LAMC2: variants seen among roughly 807,000 people sequenced by gnomAD.
The protein encoded by LAMC2 is laminin subunit gamma-2.
A neutral mutation model predicts 140.2 loss-of-function variants in LAMC2; 97 were observed. The observed-to-expected ratio is 0.69, with a 90% CI of 0.59 to 0.82. The LOEUF (loss-of-function observed/expected upper bound fraction) is 0.82. Among genes scored for constraint, LAMC2 ranks in the 40% least tolerant of loss-of-function variants. LAMC2 has a pLI of 0.00. For synonymous variants in LAMC2, 513 were observed against 540.2 expected, an observed-to-expected ratio of 0.95 and a Z score of 0.70; for missense variants, 1,402 against 1,476.1, an observed-to-expected ratio of 0.95 and a Z score of 0.82.
At chr1:183,218,347 C>A in intron 3 of LAMC2, 43 bp from the exon 4 acceptor site, 1 of 1,428,960 alleles carries the variant, frequency 7.0e-7, no homozygotes, top group Non-Finnish European at 9.9e-7. Flanking sequence ...AGTTGTGAAG[C>A]ATTTGGAAGC....
chr1:183,217,047 G>T (rs930125916), intron 3 of LAMC2, among the ~76,000 whole-genome samples: 1 of 152,152 alleles, frequency 6.6e-6, no homozygotes, highest in Non-Finnish European at 1.5e-5. Flanking sequence ...AGAATTCAAA[G>T]ATAAAGATTG....
chr1:183,221,508 C>T (rs1659468132), intron 5 of LAMC2, among the ~76,000 whole-genome samples: 1 of 152,004 alleles, frequency 6.6e-6, no homozygotes, highest in East Asian at 1.9e-4. Context: ...ACAGGTGGAT[C>T]ACGAGGTCAG....
chr1:183,255,346 G>T, the LAMC2 span, among the ~76,000 whole-genome samples: 1 of 152,162 alleles, frequency 6.6e-6, no homozygotes, highest in Non-Finnish European at 1.5e-5. Flanking sequence ...AAATGAAGAA[G>T]TGTGATGCCT....
chr1:183,245,890 C>T (rs1660231592), downstream of LAMC2, among the ~76,000 whole-genome samples: 1 of 152,208 alleles, frequency 6.6e-6, no homozygotes, highest in Admixed American at 6.5e-5. Flanking sequence ...TCGTAAGAGG[C>T]TGGGCGCGGT....
At position 183,239,871 on chromosome 1, in the gene LAMC2, C is replaced by T. The variant is rs184113669; in HGVS notation, c.3070-169C>T. 202 of 787,518 alleles carry T rather than the reference C, an allele frequency of 2.6e-4. 1 individual carries two copies. The East Asian group carries it at 5.2e-3, about 20-fold the overall frequency. 48.8% of individuals were successfully genotyped at this position (787,518 alleles called of 1,614,324 possible). On this transcript the variant is annotated intron_variant, in intron 20 of 22. Coordinates refer to ENST00000264144, the MANE Select transcript of LAMC2 (RefSeq NM_005562.3). ...TACCCCCAGATTAGCTTGTTTGAGG[C>T]AGAGCTTGGCAAAGTACCCCTGTCC...
intron 1 of LAMC2, among the ~76,000 whole-genome samples, chr1:183,191,593 C>G (rs981855743): frequency 1.3e-5 from 2 of 151,062 alleles, no homozygotes; most frequent in Non-Finnish European, 2.9e-5. Context: ...TGCGGTGGCT[C>G]ATGCCTTTAA....
chr1:183,207,777 C>T (rs886845060), intron 1 of LAMC2, 104 bp from the exon 2 acceptor site: 1 of 989,550 alleles, frequency 1.0e-6, no homozygotes, highest in African/African-American at 1.6e-5. Context: ...CCATATAGTA[C>T]TCATGCATAA....
At chr1:183,225,834 G>A (rs1659610494) in intron 8 of LAMC2, 114 bp downstream of exon 8, 1 of 718,914 alleles carries the variant, frequency 1.4e-6, no homozygotes, top group Non-Finnish European at 2.5e-6. Flanking sequence ...TGATGATCCT[G>A]ACTTAGAATC....
At chr1:183,203,626 G>A (rs1658792778) in intron 1 of LAMC2, among the ~76,000 whole-genome samples, 1 of 151,884 alleles carries the variant, frequency 6.6e-6, no homozygotes. Context: ...CTTGGAACAA[G>A]CTCTCCCATC....
At chr1:183,187,388 T>C (rs1358125609) in intron 1 of LAMC2, among the ~76,000 whole-genome samples, 1 of 152,166 alleles carries the variant, frequency 6.6e-6, no homozygotes, top group African/African-American at 2.4e-5. Flanking sequence ...TGAATAATGT[T>C]TGAGCATGTG....
At chr1:183,254,442 G>GTTTGC in the LAMC2 span, among the ~76,000 whole-genome samples, 1 of 150,722 alleles carries the variant, frequency 6.6e-6, no homozygotes, top group African/African-American at 2.5e-5. Context: ...TTGTTTGTTT[G>GTTTGC]TTTGCTTTTT....
intron 1 of LAMC2, among the ~76,000 whole-genome samples, chr1:183,191,360 C>T (rs1333280346): frequency 1.3e-5 from 2 of 152,076 alleles, no homozygotes; most frequent in Non-Finnish European, 2.9e-5. Flanking sequence ...CTCACTGGCC[C>T]AAGAAGCTGA....
Position 183,215,496 on chromosome 1 carries a change from T to C in LAMC2, c.312T>C (p.Cys104=), listed in dbSNP as rs1659223907. The C allele has an allele frequency of 1.9e-6, 3 of 1,614,052 alleles. No individual in the cohort carries two copies. In the South Asian group the frequency reaches 3.3e-5, roughly 18 times the overall value. The change falls in exon 3 of 23, where the codon TGT becomes TGC. Residue 104 remains cysteine, a synonymous_variant. Coordinates refer to ENST00000264144, the MANE Select transcript of LAMC2 (RefSeq NM_005562.3). Reference sequence around the variant, plus strand: ...GTGACAACTCCGGACGGTGCAGCTGTAAACCAGGTGTGACAGGAGCCAGAT... The same window carrying C: ...GTGACAACTCCGGACGGTGCAGCTGCAAACCAGGTGTGACAGGAGCCAGAT... The part of the protein sequence containing the change: ...ARCDNSGRCS[C]KPGVTGARCD...
chr1:183,240,474 A>G (rs2102253873), intron 22 of LAMC2, 83 bp downstream of exon 22: 2 of 1,566,738 alleles, frequency 1.3e-6, no homozygotes, highest in Non-Finnish European at 1.7e-6. Context: ...TAGCCCCAGC[A>G]AAGGGGAGTC....
intron 16 of LAMC2, 117 bp downstream of exon 16, chr1:183,235,847 T>A: frequency 1.0e-6 from 1 of 1,001,950 alleles, no homozygotes; most frequent in Non-Finnish European, 1.5e-6. Flanking sequence ...TTAATGATAA[T>A]AAGAGGGCCG....
intron 12 of LAMC2, 40 bp from the exon 13 acceptor site, chr1:183,232,147 G>T: frequency 6.2e-7 from 1 of 1,611,410 alleles, no homozygotes; most frequent in South Asian, 1.1e-5. Flanking sequence ...TTGGGTACAT[G>T]GTCTCCACCC....
intron 3 of LAMC2, among the ~76,000 whole-genome samples, chr1:183,215,877 G>A (rs1468553040): frequency 6.6e-6 from 1 of 152,182 alleles, no homozygotes; most frequent in Non-Finnish European, 1.5e-5. Context: ...CAGAGCCTAT[G>A]TCCTTTTCTC....
At chr1:183,215,430 T>G in intron 2 of LAMC2, 23 bp from the exon 3 acceptor site, 1 of 1,613,818 alleles carries the variant, frequency 6.2e-7, no homozygotes, top group Non-Finnish European at 8.5e-7. Context: ...CTTCTTTCCT[T>G]TCCCCTACCT....
chr1:183,248,055 A>G (rs1198941248), downstream of LAMC2, among the ~76,000 whole-genome samples: 2 of 152,258 alleles, frequency 1.3e-5, no homozygotes, highest in Non-Finnish European at 2.9e-5. Flanking sequence ...TCTTCCCTTT[A>G]TCATCCTTGG....
Sources: gnomAD v4.1 joint callset for allele counts (sites outside exome capture counted in the v4.1 genomes callset) on GRCh38, gnomAD v4.1.1 for gene constraint, MANE v1.5 for transcripts, NCBI Gene and HGNC (gene_info 2026-07-23, HGNC 2026-07-21) for gene names.